Variants in PPP2R5A observed in about 807,000 individuals in gnomAD.
The protein encoded by PPP2R5A is protein phosphatase 2 regulatory subunit B'alpha, also known as serine/threonine-protein phosphatase 2A 56 kDa regulatory subunit alpha isoform.
A neutral mutation model predicts 64.2 loss-of-function variants in PPP2R5A; 25 were observed. The observed-to-expected ratio is 0.39, with a 90% CI of 0.28 to 0.54. PPP2R5A has a LOEUF of 0.54. Among genes scored for constraint, PPP2R5A ranks in the 20% least tolerant of loss-of-function variants. The pLI, the probability that PPP2R5A is intolerant of heterozygous loss-of-function variation, is 0.67. For synonymous variants in PPP2R5A, 198 were observed against 201.2 expected (o/e 0.98, Z 0.13); for missense variants, 425 against 576.3 (o/e 0.74, Z 2.69).
At chr1:212,323,656 C>T (rs1392399628) in intron 1 of PPP2R5A, among the ~76,000 whole-genome samples, 1 of 152,134 alleles carries the variant, frequency 6.6e-6, no homozygotes, top group Admixed American at 6.6e-5. Flanking sequence ...AAAACAAAAA[C>T]AAATTTAAAT....
intron 1 of PPP2R5A, among the ~76,000 whole-genome samples, chr1:212,319,817 T>A (rs1659232307): frequency 6.6e-6 from 1 of 151,852 alleles, no homozygotes; most frequent in Non-Finnish European, 1.5e-5. Flanking sequence ...GAGGTGGGGT[T>A]TCACCATGTT....
rs776745842 is a variant in PPP2R5A, at chr1:212,348,342, C to T, written c.765-47C>T. 10 of 1,227,494 alleles carry T rather than the reference C, an allele frequency of 8.1e-6. 1 individual carries two copies. In the South Asian group the frequency reaches 1.2e-4, roughly 15 times the overall value. 76.0% of individuals were successfully genotyped at this position (1,227,494 alleles called of 1,614,324 possible). A position where few individuals can be genotyped will look rare whatever the true frequency, so the allele number is the denominator to read the frequency against. ...TCATGGATATGACAGCTTTTAGAAACAAAGTAGTAACTACTTAACCCTTCC... is the reference window on the plus strand; with the variant it reads ...TCATGGATATGACAGCTTTTAGAAATAAAGTAGTAACTACTTAACCCTTCC... On this transcript the variant is annotated intron_variant, in intron 6 of 12. Transcript: ENST00000261461.
chr1:212,351,573 G>C (rs927707030), intron 8 of PPP2R5A, among the ~76,000 whole-genome samples: 8 of 152,038 alleles, frequency 5.3e-5, no homozygotes, highest in African/African-American at 1.9e-4. Flanking sequence ...AATTAGCCGG[G>C]CGTGATGGCG....
rs1659768301 is a variant in PPP2R5A at position 212,345,910 on chromosome 1, A to G, written c.681A>G (p.Lys227=). ...KFLGLRAFIR[K]QINNIFLRFI... is the part of the protein sequence containing the mutation. ...TTGGATTAAGAGCATTCATCAGAAA[A>G]CAAATTAACAACATTTTCCTCAGGT... is the stretch of plus-strand genomic sequence containing the variant. Residue 227 remains lysine, a synonymous_variant, in exon 5 of 13, where the codon AAA becomes AAG. Coordinates refer to ENST00000261461, the MANE Select transcript of PPP2R5A (RefSeq NM_006243.4). 1 of 1,606,058 alleles carries G rather than the reference A, an allele frequency of 6.2e-7. No homozygotes were observed. The highest frequency in any genetic ancestry group is 2.2e-5 in the East Asian group (1 of 44,682).
intron 4 of PPP2R5A, 83 bp from the exon 5 acceptor site, chr1:212,345,720 A>T (rs1182408297): frequency 6.9e-6 from 10 of 1,450,612 alleles, no homozygotes; most frequent in Non-Finnish European, 9.3e-6. Context: ...AAAAGATGTC[A>T]TGGATAATCT....
At chr1:212,352,954 T>C (rs778394874) in intron 8 of PPP2R5A, 4 of 517,836 alleles carry the variant, frequency 7.7e-6, no homozygotes, top group Non-Finnish European at 1.2e-5. Flanking sequence ...TACCATTCCA[T>C]TGGGAGGAAA....
intron 4 of PPP2R5A, among the ~76,000 whole-genome samples, chr1:212,343,412 C>G (rs1467094522): frequency 6.6e-6 from 1 of 152,210 alleles, no homozygotes; most frequent in Non-Finnish European, 1.5e-5. Flanking sequence ...TCCTACCCTT[C>G]AGACCGCTTT....
chr1:212,300,511 TAAC>T (rs1658780667), intron 1 of PPP2R5A, among the ~76,000 whole-genome samples: 2 of 152,324 alleles, frequency 1.3e-5, no homozygotes, highest in Admixed American at 1.3e-4. Flanking sequence ...AGGAGAATCT[TAAC>T]AATGGTAGAA....
intron 1 of PPP2R5A, among the ~76,000 whole-genome samples, chr1:212,309,901 T>C (rs1325841393): frequency 6.6e-6 from 1 of 151,916 alleles, no homozygotes; most frequent in Non-Finnish European, 1.5e-5. Flanking sequence ...ATCCTAAGGG[T>C]TGGACTCGGC....
At chr1:212,315,872 T>C (rs1292957911) in intron 1 of PPP2R5A, among the ~76,000 whole-genome samples, 1 of 152,206 alleles carries the variant, frequency 6.6e-6, no homozygotes, top group Admixed American at 6.5e-5. Context: ...ATTTTGGAGA[T>C]TCTCTCAATA....
At chr1:212,321,186 G>T (rs531534439) in intron 1 of PPP2R5A, among the ~76,000 whole-genome samples, 3 of 146,702 alleles carry the variant, frequency 2.0e-5, no homozygotes, top group East Asian at 2.1e-4. Context: ...CTGGCCAGGC[G>T]GGGGGCTGAC....
Position 212,358,720 on chromosome 1 carries a change from A to C in PPP2R5A, c.1261A>C (p.Thr421Pro). Reference sequence around the variant, plus strand: ...AGCACTGGTATACAATGTGCTGAAAACCCTAATGGAAATGAATGGCAAGCT... The same window carrying C: ...AGCACTGGTATACAATGTGCTGAAACCCCTAATGGAAATGAATGGCAAGCT... ...IVALVYNVLK[T>P]LMEMNGKLFD... is the part of the protein sequence containing the mutation. Residue 421 changes from threonine (T) to proline (P), a missense_variant, in exon 12 of 13, where the codon ACC (threonine) becomes CCC (proline). Thr to Pro is a conservative substitution (Grantham distance 38). This residue lies in a region of PPP2R5A where 177 missense variants were observed against 244.8 expected (regional missense o/e 0.72). Coordinates refer to ENST00000261461, the MANE Select transcript of PPP2R5A (RefSeq NM_006243.4). 6.2e-7 allele frequency: 1 copy of C among 1,613,628 alleles called. No homozygotes were observed. Among genetic ancestry groups the C allele is most frequent in the Non-Finnish European group, 8.5e-7 (1 of 1,179,738 alleles).
At chr1:212,320,367 C>CA (rs1659248457) in intron 1 of PPP2R5A, among the ~76,000 whole-genome samples, 1 of 152,142 alleles carries the variant, frequency 6.6e-6, no homozygotes, top group South Asian at 2.1e-4. Context: ...ACATGGCAAC[C>CA]ATCCGATTTC....
At chr1:212,353,560 T>G (rs921624108) in intron 8 of PPP2R5A, among the ~76,000 whole-genome samples, 3 of 152,204 alleles carry the variant, frequency 2.0e-5, no homozygotes, top group African/African-American at 4.8e-5. Context: ...CTTTGTCATA[T>G]ATTAAAATCC....
intron 1 of PPP2R5A, among the ~76,000 whole-genome samples, chr1:212,321,257 TAG>T (rs1659283067): frequency 8.9e-6 from 1 of 112,640 alleles, no homozygotes; most frequent in African/African-American, 3.4e-5. Context: ...CACTTCCCAG[TAG>T]GGGCGGCCGG....
chr1:212,353,766 A>G lies in PPP2R5A; in HGVS notation c.928-2860A>G, dbSNP rs144281619. 1.0e-3 allele frequency among the ~76,000 whole-genome samples: 153 copies of G among 152,326 alleles called. 1 individual carries two copies. The Middle Eastern group carries it at 0.014, about 14-fold the overall frequency. ...GTTTCTAGTTCCAAAAAATAATTCA[A>G]TTGGCATTTGATTGAAATTATATTA... On this transcript the variant is annotated intron_variant, in intron 8 of 12. Transcript: ENST00000261461.
chr1:212,351,734 G>GA, intron 8 of PPP2R5A, among the ~76,000 whole-genome samples: 1 of 151,780 alleles, frequency 6.6e-6, no homozygotes, highest in Non-Finnish European at 1.5e-5. Flanking sequence ...CGTCTAAAAA[G>GA]AAAAAAGTGC....
At position 212,329,244 on chromosome 1, in the gene PPP2R5A, AAG is replaced by A. The variant is rs1659458670; in HGVS notation, c.294_295del (p.Arg98SerfsTer5). ...VSDLKSKEIK[R>X]ATLNELVEYV... is the part of the protein sequence containing the mutation. ...CAGACTTGAAGAGCAAAGAAATTAA[AAG>A]AGCAACACTGAATGAACTGGTTGAG... On this transcript the variant is annotated frameshift_variant, in exon 2 of 13. Coordinates refer to ENST00000261461, the MANE Select transcript of PPP2R5A (RefSeq NM_006243.4). LOFTEE classifies it high-confidence loss of function. The A allele has an allele frequency of 6.2e-7, 1 of 1,613,764 alleles. No individual in the cohort carries two copies. Among genetic ancestry groups the A allele is most frequent in the Non-Finnish European group, 8.5e-7 (1 of 1,179,868 alleles).
intron 3 of PPP2R5A, among the ~76,000 whole-genome samples, chr1:212,339,765 A>G (rs983004705): frequency 4.6e-5 from 7 of 152,168 alleles, no homozygotes; most frequent in African/African-American, 1.7e-4. Context: ...CCCATAGGAC[A>G]GGCTATTACT....
Sources: allele counts gnomAD v4.1 joint callset (sites outside exome capture counted in the v4.1 genomes callset), GRCh38; gene constraint gnomAD v4.1.1; regional missense constraint gnomAD v4.1.1; transcripts MANE v1.5; gene names NCBI Gene and HGNC (gene_info 2026-07-23, HGNC 2026-07-21).